The following SLC4A10 variants were observed in gnomAD, a reference collection of about 807,000 sequenced individuals.
SLC4A10 encodes the protein solute carrier family 4 member 10, also known as sodium-driven chloride bicarbonate exchanger.
A neutral mutation model predicts 137.7 loss-of-function variants in SLC4A10; 42 were observed. The ratio of observed to expected loss-of-function variants is 0.30; its 90% CI spans 0.24 to 0.39. The LOEUF is 0.39. SLC4A10 is among the 10% of genes least tolerant of loss of function. SLC4A10 has a pLI of 1.00. For missense variants in SLC4A10, 925 were observed against 1,355.0 expected, an observed-to-expected ratio of 0.68 and a Z score of 4.98; for synonymous variants, 474 against 464.1, an observed-to-expected ratio of 1.02 and a Z score of -0.27.
intron 5 of SLC4A10, among the ~76,000 whole-genome samples, chr2:161,858,635 A>G (rs1257162004): frequency 6.6e-6 from 1 of 152,198 alleles, no homozygotes; most frequent in Non-Finnish European, 1.5e-5. Flanking sequence ...CATATAAATT[A>G]CAGGGAATTT....
chr2:161,745,572 C>T (rs1407616022), intron 1 of SLC4A10, among the ~76,000 whole-genome samples: 1 of 151,962 alleles, frequency 6.6e-6, no homozygotes, highest in Non-Finnish European at 1.5e-5. Context: ...CTGGTGCCTT[C>T]TTTTGTTCTC....
intron 1 of SLC4A10, among the ~76,000 whole-genome samples, chr2:161,765,569 C>T (rs1304491340): frequency 6.9e-6 from 1 of 145,466 alleles, no homozygotes. Context: ...GAGCTGAGAT[C>T]ATGCCACTGT....
intron 15 of SLC4A10, among the ~76,000 whole-genome samples, chr2:161,937,811 G>A (rs1166039772): frequency 6.6e-6 from 1 of 152,134 alleles, no homozygotes; most frequent in Admixed American, 6.5e-5. Context: ...TGCAATCTAG[G>A]TTCCCCTGAA....
intron 25 of SLC4A10, chr2:161,977,319 C>A (rs755677758): frequency 1.1e-5 from 5 of 453,936 alleles, no homozygotes; most frequent in South Asian, 8.0e-5. Flanking sequence ...CTGACTCCAA[C>A]CCCCTGAAAG....
intron 1 of SLC4A10, among the ~76,000 whole-genome samples, chr2:161,765,596 C>T (rs1482302494): frequency 8.0e-6 from 1 of 124,944 alleles, no homozygotes; most frequent in Non-Finnish European, 1.6e-5. Flanking sequence ...GCCTGAGTGA[C>T]AGAGCAAGAC....
intron 15 of SLC4A10, among the ~76,000 whole-genome samples, chr2:161,912,085 A>G (rs1420933643): frequency 1.3e-5 from 2 of 152,122 alleles, no homozygotes; most frequent in Admixed American, 1.3e-4. Context: ...CTAATGAATT[A>G]TGAGCCTTTT....
At chr2:161,875,156 G>C (rs2061386285) in intron 8 of SLC4A10, among the ~76,000 whole-genome samples, 1 of 152,114 alleles carries the variant, frequency 6.6e-6, no homozygotes, top group African/African-American at 2.4e-5. Context: ...AAGTCTGAGA[G>C]GGCAGAAAAG....
chr2:161,731,497 AGTTT>A (rs2046819035), intron 1 of SLC4A10, among the ~76,000 whole-genome samples: 1 of 152,210 alleles, frequency 6.6e-6, no homozygotes, highest in Non-Finnish European at 1.5e-5. Flanking sequence ...TTGTAGGGAC[AGTTT>A]TCTTCATAGC....
chr2:161,811,295 AT>A (rs2056528322), intron 3 of SLC4A10, among the ~76,000 whole-genome samples: 1 of 151,782 alleles, frequency 6.6e-6, no homozygotes, highest in African/African-American at 2.4e-5. Flanking sequence ...AATCTTATTT[AT>A]TCTTTCAAAA....
chr2:161,660,982 T>C (rs1488352235), intron 1 of SLC4A10, among the ~76,000 whole-genome samples: 1 of 151,894 alleles, frequency 6.6e-6, no homozygotes, highest in Non-Finnish European at 1.5e-5. Context: ...TTCTATTAAA[T>C]TAGATTTATA....
chr2:161,782,845 G>GACTT (rs2053198491), intron 2 of SLC4A10, among the ~76,000 whole-genome samples: 1 of 150,216 alleles, frequency 6.7e-6, no homozygotes, highest in South Asian at 2.1e-4. Flanking sequence ...AAGCTTAAAG[G>GACTT]ACTTACGAGA....
intron 1 of SLC4A10, among the ~76,000 whole-genome samples, chr2:161,655,523 A>G (rs534929233): frequency 5.9e-5 from 9 of 152,336 alleles, no homozygotes; most frequent in African/African-American, 2.2e-4. Context: ...TACTATGTCA[A>G]GAAGATTAAA....
chr2:161,651,808 T>C (rs1369644106), intron 1 of SLC4A10, among the ~76,000 whole-genome samples: 1 of 133,154 alleles, frequency 7.5e-6, no homozygotes, highest in Non-Finnish European at 1.6e-5. Flanking sequence ...CCCTCCCTGC[T>C]CTGCGCCTAG....
intron 16 of SLC4A10, among the ~76,000 whole-genome samples, chr2:161,945,182 G>GTGTGTATATATATA: frequency 1.1e-5 from 1 of 88,830 alleles, no homozygotes; most frequent in African/African-American, 4.3e-5. Flanking sequence ...AAGTTTGTGT[G>GTGTGTATATATATA]TATATATATA....
chr2:161,881,923 TTC>T (rs1431024036), intron 9 of SLC4A10, among the ~76,000 whole-genome samples: 3 of 152,032 alleles, frequency 2.0e-5, no homozygotes, highest in Non-Finnish European at 2.9e-5. Flanking sequence ...ACTCTATATT[TTC>T]TCTGTTTTGC....
intron 14 of SLC4A10, 115 bp downstream of exon 14, chr2:161,905,024 G>C: frequency 9.7e-7 from 1 of 1,035,544 alleles, no homozygotes; most frequent in Non-Finnish European, 1.3e-6. Context: ...TGCCTGATTT[G>C]TTTCAGTTTA....
chr2:161,625,643 A>G (rs1038983953), intron 1 of SLC4A10, among the ~76,000 whole-genome samples: 1 of 152,050 alleles, frequency 6.6e-6, no homozygotes, highest in Non-Finnish European at 1.5e-5. Context: ...ATGCTTCCGT[A>G]GGAGGAGTGG....
intron 3 of SLC4A10, among the ~76,000 whole-genome samples, chr2:161,810,506 C>T (rs575965078): frequency 6.6e-6 from 1 of 152,084 alleles, no homozygotes; most frequent in South Asian, 2.1e-4. Flanking sequence ...GTGTGTTTTT[C>T]ATAGATGGCT....
chr2:161,725,475 A>G (rs1247299799), intron 1 of SLC4A10, among the ~76,000 whole-genome samples: 2 of 152,244 alleles, frequency 1.3e-5, no homozygotes, highest in African/African-American at 4.8e-5. Flanking sequence ...TAAGACAGCT[A>G]AGGAACTAAC....
Sources: gnomAD v4.1 joint callset for allele counts (sites outside exome capture counted in the v4.1 genomes callset) on GRCh38, gnomAD v4.1.1 for gene constraint, MANE v1.5 for transcripts, NCBI Gene and HGNC (gene_info 2026-07-23, HGNC 2026-07-21) for gene names.